COLQ: variants seen among roughly 807,000 people sequenced by gnomAD.
COLQ encodes acetylcholinesterase collagenic tail peptide.
COLQ carries 48 observed loss-of-function variants against 69.0 expected under a neutral mutation model. That is an observed-to-expected ratio of 0.70 (90% CI 0.55 to 0.88). COLQ has a LOEUF of 0.88. Ranked by LOEUF, COLQ falls within the 40% of genes least tolerant of loss-of-function variation. COLQ has a pLI of 0.00. For synonymous variants in COLQ, 217 were observed against 211.2 expected (o/e 1.03, Z -0.24); for missense variants, 618 against 594.6 (o/e 1.04, Z -0.41).
intron 3 of COLQ, among the ~76,000 whole-genome samples, chr3:15,480,359 A>G (rs575365240): frequency 3.4e-5 from 5 of 146,650 alleles, no homozygotes; most frequent in African/African-American, 1.3e-4. Context: ...AGGCCCTGGT[A>G]TGTGATGTTC....
rs566240594 is a variant in COLQ, at chr3:15,489,779, G to A, written c.107-142C>T. 9 of 714,516 alleles carry A rather than the reference G, an allele frequency of 1.3e-5. No individual in the cohort carries two copies. In the Admixed American group the frequency reaches 1.5e-4, roughly 12 times the overall value. 44.3% of individuals were successfully genotyped at this position (714,516 alleles called of 1,614,324 possible). A position where few individuals can be genotyped will look rare whatever the true frequency, so the allele number is the denominator to read the frequency against. ...CCTGTTAGATGTGGATAGGCCTCCT[G>A]TTGGCTACTTGACATAGCAATTATT... On this transcript the variant is annotated intron_variant, in intron 1 of 16. Transcript: ENST00000383788.
intron 3 of COLQ, among the ~76,000 whole-genome samples, chr3:15,487,033 A>T (rs960903720): frequency 1.3e-5 from 2 of 152,246 alleles, no homozygotes; most frequent in African/African-American, 4.8e-5. Context: ...AACCCCTGCC[A>T]TTGAGCTTAC....
Position 15,473,884 on chromosome 3 carries a change from C to T in COLQ, c.636+116G>A. On this transcript the variant is annotated intron_variant, in intron 10 of 16. Transcript: ENST00000383788. This position sits in a 1 kb window ranked among gnomAD's most constrained non-coding sequence, Gnocchi z 4.0. ...CTTCCCGTCCCAAAATAGAAGTTTC[C>T]ATGGTTAAACCCACCATCCCTGCCT... The T allele has an allele frequency of 3.4e-6, 4 of 1,190,062 alleles. No individual in the cohort carries two copies. The highest frequency in any genetic ancestry group is 2.5e-6 in the Non-Finnish European group (2 of 813,280). The allele number at this position is 1,190,062 out of a possible 1,614,324, so 73.7% of individuals were successfully genotyped here.
chr3:15,516,696 G>T (rs1448653545), intron 1 of COLQ, among the ~76,000 whole-genome samples: 1 of 152,210 alleles, frequency 6.6e-6, no homozygotes, highest in African/African-American at 2.4e-5. Flanking sequence ...GTATTGTTTA[G>T]CTTAGATCCT....
rs891869624 is a variant in COLQ at position 15,473,936 on chromosome 3, T to G, written c.636+64A>C. On this transcript the variant is annotated intron_variant, in intron 10 of 16. Coordinates refer to ENST00000383788, the MANE Select transcript of COLQ (RefSeq NM_005677.4). The surrounding 1 kb of genome is among the most constrained non-coding windows in gnomAD (Gnocchi z 4.0). ...ATAGACAAGGAGGCAGAGTTCTTTTTGTTGTGCTTGGAGGACCTGATATTT... is the reference window on the plus strand; with the variant it reads ...ATAGACAAGGAGGCAGAGTTCTTTTGGTTGTGCTTGGAGGACCTGATATTT... 6.4e-7 allele frequency: 1 copy of G among 1,558,644 alleles called. No homozygotes were observed. The highest frequency in any genetic ancestry group is 8.8e-7 in the Non-Finnish European group (1 of 1,130,944).
intron 11 of COLQ, among the ~76,000 whole-genome samples, chr3:15,469,217 C>A (rs577046806): frequency 6.6e-6 from 1 of 152,060 alleles, no homozygotes; most frequent in Non-Finnish European, 1.5e-5. Flanking sequence ...ATGATTCCAA[C>A]GGAATTAGTC....
At chr3:15,520,601 G>A (rs1039685267) in intron 1 of COLQ, among the ~76,000 whole-genome samples, 1 of 152,174 alleles carries the variant, frequency 6.6e-6, no homozygotes, top group Admixed American at 6.5e-5. Flanking sequence ...GAGAGTCAGG[G>A]GTCACTGAGG....
chr3:15,475,005 T>C, intron 7 of COLQ, 54 bp from the exon 8 acceptor site: 2 of 1,587,240 alleles, frequency 1.3e-6, no homozygotes, highest in Non-Finnish European at 1.7e-6. Flanking sequence ...CTTCTGAGTT[T>C]GGTGGAAGAA....
At chr3:15,491,894 C>T (rs547092731) in intron 1 of COLQ, among the ~76,000 whole-genome samples, 174 of 152,032 alleles carry the variant, frequency 1.1e-3, no homozygotes, top group African/African-American at 4.0e-3. Flanking sequence ...CCCATCTCTA[C>T]TAAAAATACA....
At chr3:15,471,809 T>C (rs2062292515) in intron 10 of COLQ, among the ~76,000 whole-genome samples, 2 of 152,210 alleles carry the variant, frequency 1.3e-5, no homozygotes, top group South Asian at 4.1e-4. Flanking sequence ...GTTATTTCTT[T>C]CCAACCCATA....
At chr3:15,466,192 A>G (rs1439835039) in intron 12 of COLQ, 149 bp downstream of exon 12, 1 of 627,602 alleles carries the variant, frequency 1.6e-6, no homozygotes, top group Non-Finnish European at 2.9e-6. Context: ...GAATGAGCTA[A>G]ATCGTGGAGA....
At chr3:15,467,142 C>A (rs889735170) in intron 11 of COLQ, among the ~76,000 whole-genome samples, 22 of 152,224 alleles carry the variant, frequency 1.4e-4, no homozygotes, top group Admixed American at 1.2e-3. Context: ...GAGACATACA[C>A]TCCCTATGGG....
intron 15 of COLQ, among the ~76,000 whole-genome samples, 199 bp from the exon 16 acceptor site, chr3:15,454,130 A>G (rs985410979): frequency 1.3e-5 from 2 of 152,170 alleles, no homozygotes; most frequent in African/African-American, 4.8e-5. Context: ...GGACAAGAAG[A>G]AGGAGATCCT....
At chr3:15,477,081 T>G (rs1291803784) in intron 6 of COLQ, 45 bp downstream of exon 6, 4 of 1,544,116 alleles carry the variant, frequency 2.6e-6, no homozygotes. Flanking sequence ...TCTTCCCCCC[T>G]CTTGTTTTGA....
At chr3:15,495,163 G>T (rs922933198) in intron 1 of COLQ, among the ~76,000 whole-genome samples, 5 of 152,200 alleles carry the variant, frequency 3.3e-5, no homozygotes, top group African/African-American at 1.2e-4. Context: ...ACAACTTGGG[G>T]CTATAGCATC....
At chr3:15,517,142 C>T (rs891536424) in intron 1 of COLQ, among the ~76,000 whole-genome samples, 2 of 151,822 alleles carry the variant, frequency 1.3e-5, no homozygotes, top group Non-Finnish European at 2.9e-5. Context: ...GACCCTGTCT[C>T]GAAAAAACAA....
chr3:15,502,789 G>A (rs1443829974), intron 1 of COLQ, among the ~76,000 whole-genome samples: 3 of 152,132 alleles, frequency 2.0e-5, no homozygotes, highest in Non-Finnish European at 4.4e-5. Flanking sequence ...GTCATGACTT[G>A]TTAGTATCAT....
chr3:15,463,349 GT>G (rs1428620109), intron 12 of COLQ, among the ~76,000 whole-genome samples: 1 of 150,920 alleles, frequency 6.6e-6, no homozygotes, highest in Non-Finnish European at 1.5e-5. Flanking sequence ...GTTGTTTTTT[GT>G]TTTTTGTTTT....
chr3:15,489,757 G>A (rs2062633730), intron 1 of COLQ, 120 bp from the exon 2 acceptor site: 2 of 829,070 alleles, frequency 2.4e-6, no homozygotes. Flanking sequence ...TTTCTAGCCT[G>A]TTAGATGTGG....
Sources: allele counts gnomAD v4.1 joint callset (sites outside exome capture counted in the v4.1 genomes callset), GRCh38; gene constraint gnomAD v4.1.1; non-coding constraint Gnocchi (gnomAD v3.1); transcripts MANE v1.5; gene names NCBI Gene and HGNC (gene_info 2026-07-23, HGNC 2026-07-21).